The following DPEP1 variants were observed in gnomAD, a reference collection of about 807,000 sequenced individuals.
DPEP1 encodes dipeptidase 1, also known as beta-lactamase.
A neutral mutation model predicts 42.3 loss-of-function variants in DPEP1; 50 were observed. The observed-to-expected ratio is 1.18, with a 90% CI of 0.94 to 1.50. The LOEUF (loss-of-function observed/expected upper bound fraction) is 1.50. Ranked by LOEUF, DPEP1 falls within the 40% of genes most tolerant of loss-of-function variation. The probability of loss-of-function intolerance (pLI) is 0.00; values close to 1 mark genes in which losing one functional copy is unlikely to be tolerated. For synonymous variants in DPEP1, 297 were observed against 234.0 expected (o/e 1.27, Z -2.46); for missense variants, 663 against 553.0 (o/e 1.20, Z -1.99).
chr16:89,615,220 C>T (rs2059369755), intron 1 of DPEP1, among the ~76,000 whole-genome samples: 1 of 152,216 alleles, frequency 6.6e-6, no homozygotes, highest in African/African-American at 2.4e-5. Context: ...CTGCTTGCAG[C>T]TTCAGGGGGA....
chr16:89,628,814 G>T (rs1157292485), intron 1 of DPEP1, among the ~76,000 whole-genome samples: 2 of 151,710 alleles, frequency 1.3e-5, no homozygotes, highest in Admixed American at 1.3e-4. Context: ...GGGGAGGGGG[G>T]GCGGTTTGTG....
At chr16:89,620,683 C>T (rs1045305787) in intron 1 of DPEP1, 2 of 152,402 alleles carry the variant, frequency 1.3e-5, no homozygotes, top group Non-Finnish European at 2.9e-5. Context: ...AGAAACAACC[C>T]CCAAGCCTTG....
At chr16:89,614,705 G>A (rs936923624) in intron 1 of DPEP1, among the ~76,000 whole-genome samples, 1 of 152,240 alleles carries the variant, frequency 6.6e-6, no homozygotes, top group Non-Finnish European at 1.5e-5. Flanking sequence ...TGAAGCAGGA[G>A]AATGGCGTGA....
chr16:89,624,540 T>C (rs1451494999), intron 1 of DPEP1, among the ~76,000 whole-genome samples: 1 of 150,752 alleles, frequency 6.6e-6, no homozygotes, highest in African/African-American at 2.4e-5. Context: ...GGGGTTTGTT[T>C]TTTTTTTGTT....
downstream of DPEP1, among the ~76,000 whole-genome samples, chr16:89,640,148 G>T (rs2059732771): frequency 2.6e-5 from 4 of 152,146 alleles, no homozygotes; most frequent in Admixed American, 2.6e-4. Context: ...TTCCCATATG[G>T]GCCTCCAAGG....
chr16:89,631,472 A>G (rs1292383086), intron 2 of DPEP1, among the ~76,000 whole-genome samples: 2 of 152,204 alleles, frequency 1.3e-5, no homozygotes, highest in Non-Finnish European at 2.9e-5. Context: ...TGTGTCTGGC[A>G]TGGTGTCTCC....
intron 6 of DPEP1, 43 bp from the exon 7 acceptor site, chr16:89,637,161 G>T: frequency 6.3e-7 from 1 of 1,593,790 alleles, no homozygotes; most frequent in South Asian, 1.1e-5. Flanking sequence ...CCGCAGCCCC[G>T]ACCCTGGGGG....
chr16:89,635,790 T>C lies in DPEP1; in HGVS notation c.105-118T>C. Reference sequence around the variant, plus strand: ...GTCACCCCCGCGGCCTAGACTTCAGTCCTGCGTCTGTCGTGAGGAGTAGGA... The same window carrying C: ...GTCACCCCCGCGGCCTAGACTTCAGCCCTGCGTCTGTCGTGAGGAGTAGGA... On this transcript the variant is annotated intron_variant, in intron 2 of 10. Coordinates refer to ENST00000690203, the MANE Select transcript of DPEP1 (RefSeq NM_001389466.1). 4 of 1,374,546 alleles carry C rather than the reference T, an allele frequency of 2.9e-6. No homozygotes were observed. The South Asian group carries it at 4.5e-5, about 16-fold the overall frequency. The allele number at this position is 1,374,546 out of a possible 1,614,324, so 85.1% of individuals were successfully genotyped here.
At position 89,638,257 on chromosome 16, in the gene DPEP1, G is replaced by A. The variant is rs199753095; in HGVS notation, c.*35G>A. 331 of 1,494,242 alleles carry A rather than the reference G, an allele frequency of 2.2e-4. No individual in the cohort carries two copies. The highest frequency in any genetic ancestry group is 4.6e-4 in the South Asian group (34 of 73,944). 92.6% of individuals were successfully genotyped at this position (1,494,242 alleles called of 1,614,324 possible). On this transcript the variant is annotated 3_prime_UTR_variant, in exon 11 of 11. Transcript: ENST00000690203. ...GACCAGAGTCCCCTTTAGGGTTCCC[G>A]GAGCTCCGGGAAGACCCGCCCATCC... is the stretch of plus-strand genomic sequence containing the variant.
intron 1 of DPEP1, among the ~76,000 whole-genome samples, chr16:89,623,016 G>A (rs891324234): frequency 2.0e-5 from 3 of 152,080 alleles, no homozygotes; most frequent in Non-Finnish European, 4.4e-5. Flanking sequence ...CGCTGAGGTC[G>A]GGGTTTGTTC....
In DPEP1 at chr16:89,637,882, G is replaced by C; in HGVS notation, c.976G>C (p.Ala326Pro). 1 of 1,612,680 alleles carries C rather than the reference G, an allele frequency of 6.2e-7. No homozygotes were observed. Among genetic ancestry groups the C allele is most frequent in the Non-Finnish European group, 8.5e-7 (1 of 1,179,850 alleles). ...CGTCTCCAAGTATCCAGACCTGATC[G>C]CTGAGCTGCTCAGGAGGAACTGGAC... ...EDVSKYPDLIAELLRRNWTEA... is the reference protein window; with the variant it reads ...EDVSKYPDLIPELLRRNWTEA... Residue 326 changes from alanine to proline, a missense_variant, in exon 10 of 11, where the codon GCT becomes CCT. Ala to Pro is a conservative substitution (Grantham distance 27). Transcript: ENST00000690203.
At chr16:89,640,541 C>T (rs2059735458), downstream of DPEP1, 2 of 984,746 alleles carry the variant, frequency 2.0e-6, no homozygotes, top group African/African-American at 1.7e-5. Context: ...GGGACGCGTC[C>T]TGATCTTCCA....
At chr16:89,622,319 G>A (rs559015775) in intron 1 of DPEP1, among the ~76,000 whole-genome samples, 2 of 152,242 alleles carry the variant, frequency 1.3e-5, no homozygotes, top group East Asian at 3.9e-4. Flanking sequence ...GGTCAGTCGG[G>A]GACATGAAAG....
downstream of DPEP1, among the ~76,000 whole-genome samples, chr16:89,639,258 A>G (rs1242960437): frequency 5.1e-5 from 1 of 19,786 alleles, no homozygotes. Context: ...ACCCCTGCAC[A>G]CACACCCCCA....
chr16:89,621,743 G>A (rs1204660417), intron 1 of DPEP1, among the ~76,000 whole-genome samples: 2 of 152,332 alleles, frequency 1.3e-5, no homozygotes, highest in East Asian at 3.9e-4. Flanking sequence ...TGCACGTGGA[G>A]GTATCTGAGT....
chr16:89,630,787 G>C (rs2059578055), intron 2 of DPEP1, among the ~76,000 whole-genome samples: 1 of 150,716 alleles, frequency 6.6e-6, no homozygotes, highest in South Asian at 2.1e-4. Flanking sequence ...GGGGAGCTGG[G>C]GGTGAGACTC....
chr16:89,635,018 CT>C (rs1165836172), intron 2 of DPEP1, among the ~76,000 whole-genome samples: 1 of 45,284 alleles, frequency 2.2e-5, no homozygotes, highest in African/African-American at 9.6e-5. Context: ...TCCCTTCCTT[CT>C]CCTTTCCCCT....
chr16:89,622,273 G>C (rs1309443970), intron 1 of DPEP1, among the ~76,000 whole-genome samples: 1 of 152,172 alleles, frequency 6.6e-6, no homozygotes, highest in Non-Finnish European at 1.5e-5. Flanking sequence ...CAGGGGAGGG[G>C]AGAGGCAGGA....
intron 1 of DPEP1, among the ~76,000 whole-genome samples, chr16:89,628,256 C>CTTTTTTTT (rs1206308709): frequency 3.8e-5 from 3 of 79,208 alleles, no homozygotes; most frequent in Non-Finnish European, 1.0e-4. Context: ...TCTTTTCTTT[C>CTTTTTTTT]TTTTTTTTTT....
Sources: allele counts gnomAD v4.1 joint callset (sites outside exome capture counted in the v4.1 genomes callset), GRCh38; gene constraint gnomAD v4.1.1; transcripts MANE v1.5; gene names NCBI Gene and HGNC (gene_info 2026-07-23, HGNC 2026-07-21).